Variants in CSMD3 observed in about 807,000 individuals in gnomAD.
CSMD3 encodes CUB and Sushi multiple domains 3, also known as CUB and sushi domain-containing protein 3.
CSMD3 carries 177 observed loss-of-function variants against 435.2 expected under a neutral mutation model. That is an observed-to-expected ratio of 0.41 (90% CI 0.36 to 0.46). The LOEUF is 0.46. Ranked by LOEUF, CSMD3 falls within the 20% of genes least tolerant of loss-of-function variation. The pLI is 0.34. For synonymous variants in CSMD3, 1,656 were observed against 1,520.5 expected, an observed-to-expected ratio of 1.09 and a Z score of -2.07; for missense variants, 4,265 against 4,504.6, an observed-to-expected ratio of 0.95 and a Z score of 1.52.
intron 1 of CSMD3, among the ~76,000 whole-genome samples, chr8:113,399,658 C>A (rs573706568): frequency 6.6e-6 from 1 of 151,672 alleles, no homozygotes; most frequent in African/African-American, 2.4e-5. Context: ...AGGGGAGGAT[C>A]GTGAGTGAAT....
At chr8:112,663,793 C>A (rs1190853376) in intron 17 of CSMD3, among the ~76,000 whole-genome samples, 1 of 152,044 alleles carries the variant, frequency 6.6e-6, no homozygotes, top group Non-Finnish European at 1.5e-5. Context: ...TTCATTGTCA[C>A]CTGCATTATG....
intron 3 of CSMD3, among the ~76,000 whole-genome samples, chr8:113,218,118 A>ATT (rs1440749600): frequency 4.3e-4 from 64 of 149,660 alleles, no homozygotes; most frequent in Non-Finnish European, 5.1e-4. Flanking sequence ...ATATATATAT[A>ATT]TTTTAATATT....
chr8:112,406,518 A>G lies in CSMD3; in HGVS notation c.5809+6T>C, dbSNP rs995588689. On this transcript the variant is annotated splice_donor_region_variant and intron_variant, in intron 35 of 70. Coordinates refer to ENST00000297405, the MANE Select transcript of CSMD3 (RefSeq NM_198123.2). ...AATCACAGATCATACAAATTTATAT[A>G]CTCACCAATACAAGTAGGTAAGGAA... The G allele has an allele frequency of 6.3e-7, 1 of 1,589,468 alleles. No homozygotes were observed. Among genetic ancestry groups the G allele is most frequent in the Non-Finnish European group, 8.6e-7 (1 of 1,159,380 alleles).
chr8:113,320,088 A>G (rs2093938972), intron 1 of CSMD3, among the ~76,000 whole-genome samples: 2 of 152,146 alleles, frequency 1.3e-5, no homozygotes, highest in South Asian at 4.1e-4. Context: ...AAAATACAGA[A>G]AGTATTATGA....
chr8:113,323,244 T>C (rs2093961043), intron 1 of CSMD3, among the ~76,000 whole-genome samples: 1 of 152,216 alleles, frequency 6.6e-6, no homozygotes, highest in South Asian at 2.1e-4. Context: ...TGTATTATTG[T>C]TATATCCTCA....
intron 31 of CSMD3, among the ~76,000 whole-genome samples, chr8:112,477,566 T>A (rs57459198): frequency 0.017 from 2,649 of 152,218 alleles, 80 homozygotes; most frequent in African/African-American, 0.06. Context: ...ATAGTGAGTG[T>A]GTTCTCCTGA....
chr8:112,260,424 C>T (rs1190931712), intron 61 of CSMD3, among the ~76,000 whole-genome samples: 1 of 152,122 alleles, frequency 6.6e-6, no homozygotes, highest in African/African-American at 2.4e-5. Context: ...TACCCAGGAG[C>T]TCTATTATGT....
chr8:113,014,294 A>G (rs2131144024), intron 6 of CSMD3, among the ~76,000 whole-genome samples: 1 of 152,262 alleles, frequency 6.6e-6, no homozygotes, highest in Admixed American at 6.5e-5. Flanking sequence ...TTATATAACA[A>G]TTATTTGTTC....
At chr8:113,030,417 T>TAAAAAAAAGA (rs2087046972) in intron 5 of CSMD3, among the ~76,000 whole-genome samples, 2 of 24,360 alleles carry the variant, frequency 8.2e-5, no homozygotes, top group Admixed American at 5.5e-4. Context: ...TTGGTACTGG[T>TAAAAAAAAGA]AAAAAAAAAA....
At chr8:112,357,163 T>C (rs1470191271) in intron 38 of CSMD3, among the ~76,000 whole-genome samples, 1 of 152,076 alleles carries the variant, frequency 6.6e-6, no homozygotes, top group African/African-American at 2.4e-5. Flanking sequence ...CAGTCTGAGG[T>C]GGTCTCAGAC....
Position 112,390,728 on chromosome 8 carries a change from T to C in CSMD3, c.5870A>G (p.Glu1957Gly), listed in dbSNP as rs2129723711. The C allele has an allele frequency of 3.1e-6, 5 of 1,613,134 alleles. No individual in the cohort carries two copies. The highest frequency in any genetic ancestry group is 4.2e-6 in the Non-Finnish European group (5 of 1,179,132). Residue 1957 changes from glutamate to glycine, a missense_variant, in exon 36 of 71, where the codon GAG becomes GGG. By Grantham distance (98) the Glu-to-Gly change is moderately conservative (BLOSUM62 -2). Transcript: ENST00000297405. ...KGTILSPGYP[E>G]PYDNNLNCVW... The stretch of plus-strand genomic sequence containing the variant: ...ACAATTCAGATTGTTGTCATAAGGC[T>C]CAGGGTATCCAGGTGACAAAATAGT...
At chr8:113,429,232 ATTGTC>A (rs1173896437) in intron 1 of CSMD3, among the ~76,000 whole-genome samples, 1 of 139,956 alleles carries the variant, frequency 7.1e-6, no homozygotes, top group African/African-American at 2.5e-5. Flanking sequence ...ATTTTGAATA[ATTGTC>A]TTATATATAT....
At chr8:113,385,166 C>G (rs1756975859) in intron 1 of CSMD3, among the ~76,000 whole-genome samples, 1 of 152,130 alleles carries the variant, frequency 6.6e-6, no homozygotes, top group South Asian at 2.1e-4. Flanking sequence ...CCTAACATCA[C>G]TACTTAGTAC....
intron 5 of CSMD3, among the ~76,000 whole-genome samples, chr8:113,023,521 A>G (rs1013908082): frequency 6.6e-6 from 1 of 152,010 alleles, no homozygotes. Context: ...AATCTTCATG[A>G]ATGTTCTTTA....
At chr8:112,759,983 A>G (rs2077797918) in intron 13 of CSMD3, among the ~76,000 whole-genome samples, 1 of 152,134 alleles carries the variant, frequency 6.6e-6, no homozygotes. Flanking sequence ...TTGGAAACTG[A>G]GGCAAGGTAA....
chr8:112,977,037 T>C (rs1387763874), intron 6 of CSMD3, among the ~76,000 whole-genome samples: 3 of 152,096 alleles, frequency 2.0e-5, no homozygotes, highest in Non-Finnish European at 4.4e-5. Context: ...TAGAAGTATG[T>C]ATTCAAAGTG....
intron 35 of CSMD3, among the ~76,000 whole-genome samples, chr8:112,392,429 T>C (rs571574141): frequency 6.6e-6 from 1 of 151,886 alleles, no homozygotes; most frequent in South Asian, 2.1e-4. Flanking sequence ...ATGGGTTATA[T>C]ACAAATTCTG....
intron 16 of CSMD3, among the ~76,000 whole-genome samples, chr8:112,675,367 C>T (rs1431009043): frequency 3.3e-5 from 5 of 152,090 alleles, no homozygotes; most frequent in Admixed American, 1.3e-4. Context: ...ATGTAATCTC[C>T]TTTATCTATA....
At chr8:112,891,463 G>A (rs895173213) in intron 10 of CSMD3, among the ~76,000 whole-genome samples, 4 of 151,514 alleles carry the variant, frequency 2.6e-5, no homozygotes, top group African/African-American at 7.3e-5. Flanking sequence ...CTTTAACTGG[G>A]CAGATGTTTT....
Sources: gnomAD v4.1 joint callset for allele counts (sites outside exome capture counted in the v4.1 genomes callset) on GRCh38, gnomAD v4.1.1 for gene constraint, MANE v1.5 for transcripts, NCBI Gene and HGNC (gene_info 2026-07-23, HGNC 2026-07-21) for gene names.